The following SS18 variants were observed in gnomAD, a reference collection of about 807,000 sequenced individuals.
SS18 encodes the protein protein SSXT.
In SS18, 28 loss-of-function variants were observed where a neutral mutation model predicts 72.5. The observed-to-expected ratio is 0.39, with a 90% CI of 0.29 to 0.53. The LOEUF is 0.53. SS18 is among the 20% of genes least tolerant of loss of function. The pLI, the probability that SS18 is intolerant of heterozygous loss-of-function variation, is 0.76. For synonymous variants in SS18, 172 were observed against 164.2 expected (o/e 1.05, Z -0.37); for missense variants, 518 against 535.3 (o/e 0.97, Z 0.32).
At chr18:26,037,935 T>C (rs7238847) in intron 7 of SS18, among the ~76,000 whole-genome samples, 29,070 of 151,974 alleles carry the variant, frequency 0.19, 5,698 homozygotes, top group African/African-American at 0.49. Context: ...CACAAGCCAC[T>C]TTCTACAAAA....
intron 5 of SS18, among the ~76,000 whole-genome samples, chr18:26,046,158 C>T (rs145576163): frequency 0.05 from 6,892 of 136,942 alleles, 226 homozygotes; most frequent in Middle Eastern, 0.088. Flanking sequence ...CACCACTGCA[C>T]TCCAGCCTGG....
intron 7 of SS18, 119 bp from the exon 8 acceptor site, chr18:26,036,042 A>T: frequency 1.4e-6 from 1 of 727,740 alleles, no homozygotes; most frequent in Non-Finnish European, 2.3e-6. Context: ...AACATAAAAA[A>T]TAATTTCAAT....
chr18:26,091,087 C>CTT (rs1891254426), upstream of SS18: 1 of 154,790 alleles, frequency 6.5e-6, no homozygotes, highest in Admixed American at 6.5e-5. Context: ...CAACTTCATC[C>CTT]TTACTTACGC....
At chr18:26,083,115 A>G (rs1311107229) in intron 2 of SS18, among the ~76,000 whole-genome samples, 5 of 152,236 alleles carry the variant, frequency 3.3e-5, no homozygotes, top group South Asian at 2.1e-4. Context: ...CTGAAGAACA[A>G]AAGAATAAAA....
chr18:26,022,448 A>G (rs554784084), intron 10 of SS18, among the ~76,000 whole-genome samples: 2 of 152,176 alleles, frequency 1.3e-5, no homozygotes, highest in Non-Finnish European at 2.9e-5. Context: ...AAAAAAAAAA[A>G]AAACTACACA....
chr18:26,063,665 G>A (rs2054164243), intron 3 of SS18, among the ~76,000 whole-genome samples: 1 of 152,060 alleles, frequency 6.6e-6, no homozygotes, highest in African/African-American at 2.4e-5. Context: ...ATGCTTACAG[G>A]ACCATTTATA....
At chr18:26,036,368 G>A (rs2053626606) in intron 7 of SS18, among the ~76,000 whole-genome samples, 2 of 152,132 alleles carry the variant, frequency 1.3e-5, no homozygotes, top group African/African-American at 4.8e-5. Flanking sequence ...AGTTCCATAA[G>A]TTTTTCCCCT....
chr18:26,073,811 T>C (rs1404958908), intron 3 of SS18, among the ~76,000 whole-genome samples: 2 of 152,170 alleles, frequency 1.3e-5, no homozygotes, highest in African/African-American at 4.8e-5. Context: ...GAAAAAGCAG[T>C]TTGTGATTGA....
intron 2 of SS18, 154 bp from the exon 3 acceptor site, chr18:26,078,314 AAAT>A: frequency 3.9e-6 from 2 of 519,090 alleles, no homozygotes; most frequent in Non-Finnish European, 6.7e-6. Context: ...CAAAAGTTCC[AAAT>A]AATAAATATT....
chr18:26,055,566 T>C (rs2054002974), intron 4 of SS18, among the ~76,000 whole-genome samples: 1 of 152,144 alleles, frequency 6.6e-6, no homozygotes, highest in Admixed American at 6.5e-5. Context: ...AAACTGAGTC[T>C]ACATAATGAA....
At position 26,057,609 on chromosome 18, in the gene SS18, T is replaced by C. The variant is rs1263918515; in HGVS notation, c.365A>G (p.Gln122Arg). 4 of 1,614,160 alleles carry C rather than the reference T, an allele frequency of 2.5e-6. No individual in the cohort carries two copies. Among genetic ancestry groups the C allele is most frequent in the East Asian group, 2.2e-5 (1 of 44,882 alleles). ...CTTACCAGGCATCTGGCCGTTCATC[T>C]GGTTCTGCATGTGCGGTGCAGGAGG... The part of the protein sequence containing the change: ...GGPPAPHMQN[Q>R]MNGQMPGPNH... The change falls in exon 4 of 11, where the codon CAG (glutamine) becomes CGG (arginine). Residue 122 changes from glutamine to arginine, a missense_variant. By Grantham distance (43) the Gln-to-Arg change is conservative. Transcript: ENST00000415083.
At chr18:26,046,795 G>C (rs2053831546) in intron 5 of SS18, among the ~76,000 whole-genome samples, 1 of 152,196 alleles carries the variant, frequency 6.6e-6, no homozygotes, top group South Asian at 2.1e-4. Flanking sequence ...ACAACAACAA[G>C]CTTTGCTGTA....
chr18:26,085,067 T>C (rs953042180), intron 2 of SS18, among the ~76,000 whole-genome samples: 3 of 152,138 alleles, frequency 2.0e-5, no homozygotes, highest in Non-Finnish European at 4.4e-5. Context: ...GGGGGAGAAA[T>C]GAATAAAAAA....
chr18:26,039,181 A>G (rs2053678757), intron 6 of SS18, 108 bp downstream of exon 6: 4 of 842,966 alleles, frequency 4.7e-6, no homozygotes, highest in Middle Eastern at 4.2e-4. Flanking sequence ...AAAAAAAAAA[A>G]AAAAAAAAAA....
At chr18:26,053,325 T>A (rs781657973) in intron 4 of SS18, among the ~76,000 whole-genome samples, 2 of 150,596 alleles carry the variant, frequency 1.3e-5, no homozygotes, top group Non-Finnish European at 2.9e-5. Context: ...CTATCTCATT[T>A]GTTCCACTAA....
At chr18:26,084,703 A>G (rs1268961391) in intron 2 of SS18, among the ~76,000 whole-genome samples, 1 of 152,184 alleles carries the variant, frequency 6.6e-6, no homozygotes. Context: ...AACACCAGTC[A>G]TATCCTAAAT....
chr18:26,090,939 G>A (rs548723776), upstream of SS18: 3 of 312,240 alleles, frequency 9.6e-6, no homozygotes, highest in East Asian at 1.5e-4. Context: ...GGCTGGGGCA[G>A]CCCCTGTCAC....
chr18:26,090,605 G>T lies in SS18; in HGVS notation c.-36C>A. On this transcript the variant is annotated 5_prime_UTR_variant, in exon 1 of 11. Coordinates refer to ENST00000415083, the MANE Select transcript of SS18 (RefSeq NM_001007559.3). The stretch of plus-strand genomic sequence containing the variant: ...TCACCACTATCGGCAAGTCCCGAGC[G>T]CTCCGGGTGAACGGCAAACTGGGGG... 6.4e-7 allele frequency: 1 copy of T among 1,552,522 alleles called. No homozygotes were observed. Among genetic ancestry groups the T allele is most frequent in the Non-Finnish European group, 8.7e-7 (1 of 1,148,534 alleles).
chr18:26,052,788 C>A lies in SS18; in HGVS notation c.443G>T (p.Ser148Ile). The part of the protein sequence containing the change: ...PGPNQLNMTN[S>I]SMNMPSSSHG... Reference sequence around the variant, plus strand: ...GCTACTTGAAGGCATATTCATGGAACTGTTTGTCATATTGAGTTGATTGGG... The same window carrying A: ...GCTACTTGAAGGCATATTCATGGAAATGTTTGTCATATTGAGTTGATTGGG... The change falls in exon 5 of 11, where the codon AGT becomes ATT. Residue 148 changes from serine (S) to isoleucine (I), a missense_variant. Physicochemically the swap from Ser to Ile is moderately radical, Grantham distance 142 (BLOSUM62 -2). Transcript: ENST00000415083. 6.2e-7 allele frequency: 1 copy of A among 1,614,164 alleles called. No individual in the cohort carries two copies.
Sources: allele counts gnomAD v4.1 joint callset (sites outside exome capture counted in the v4.1 genomes callset), GRCh38; gene constraint gnomAD v4.1.1; transcripts MANE v1.5; gene names NCBI Gene and HGNC (gene_info 2026-07-23, HGNC 2026-07-21).